The following FAT1 variants were observed in gnomAD, a reference collection of about 807,000 sequenced individuals.
FAT1 encodes the protein protocadherin Fat 1.
A neutral mutation model predicts 329.8 loss-of-function variants in FAT1; 171 were observed. The observed-to-expected ratio is 0.52, with a 90% CI of 0.46 to 0.59. The LOEUF is 0.59. FAT1 is among the 20% of genes least tolerant of loss of function. FAT1 has a pLI of 0.00. For synonymous variants in FAT1, 2,233 were observed against 2,228.6 expected (o/e 1.00, Z -0.06); for missense variants, 5,672 against 5,774.4 (o/e 0.98, Z 0.57).
At chr4:186,597,411 A>ACATTAATAT in intron 24 of FAT1, 1 of 588,642 alleles carries the variant, frequency 1.7e-6, no homozygotes, top group Non-Finnish European at 2.9e-6. Context: ...TATCAAGCCA[A>ACATTAATAT]TATTAATGGC....
chr4:186,724,102 A>T (rs543615236), upstream of FAT1, among the ~76,000 whole-genome samples: 37 of 137,520 alleles, frequency 2.7e-4, 1 homozygote, highest in South Asian at 8.8e-3. This position sits in a 1 kb window ranked among gnomAD's most constrained non-coding sequence, Gnocchi z 5.3. Flanking sequence ...TGTGATGCCG[A>T]GGTTAGTTAC....
Position 186,619,477 on chromosome 4 carries a change from A to T in FAT1, c.7109T>A (p.Leu2370Gln), listed in dbSNP as rs1739914211. The change falls in exon 10 of 27, where the codon CTG (leucine) becomes CAG (glutamine). Residue 2370 changes from leucine (L) to glutamine (Q), a missense_variant. Leu to Gln is a moderately radical substitution (Grantham distance 113, BLOSUM62 -2). Transcript: ENST00000441802. ...VRAVDGGMPT[L>Q]SSDVIVTVDV... ...CACCGTGACAATCACATCACTGCTCAGCGTGGGCATACCACCATCAACTGC... is the reference window on the plus strand; with the variant it reads ...CACCGTGACAATCACATCACTGCTCTGCGTGGGCATACCACCATCAACTGC... The T allele has an allele frequency of 6.8e-6, 11 of 1,613,964 alleles. No homozygotes were observed. In the East Asian group the frequency reaches 2.5e-4, roughly 36 times the overall value.
At chr4:186,718,525 G>A (rs1185019840) in intron 1 of FAT1, among the ~76,000 whole-genome samples, 5 of 152,058 alleles carry the variant, frequency 3.3e-5, no homozygotes, top group African/African-American at 4.8e-5. Context: ...AAATTAGCCG[G>A]GCGTGGTGGC....
intron 3 of FAT1, among the ~76,000 whole-genome samples, chr4:186,644,353 G>A (rs1042093003): frequency 6.6e-6 from 1 of 152,152 alleles, no homozygotes; most frequent in Non-Finnish European, 1.5e-5. Flanking sequence ...TTGTAACTTT[G>A]TGTTTCATCT....
intron 3 of FAT1, among the ~76,000 whole-genome samples, chr4:186,645,387 A>G (rs1560962324): frequency 1.2e-5 from 1 of 83,850 alleles, no homozygotes; most frequent in African/African-American, 5.3e-5. Context: ...ATATATATAT[A>G]TATATATATA....
chr4:186,702,098 T>C (rs1379556873), intron 2 of FAT1, among the ~76,000 whole-genome samples: 1 of 152,018 alleles, frequency 6.6e-6, no homozygotes, highest in Non-Finnish European at 1.5e-5. Flanking sequence ...GACACAGACA[T>C]GAGGCCAGGA....
intron 3 of FAT1, among the ~76,000 whole-genome samples, chr4:186,641,406 A>C (rs1222300283): frequency 6.6e-6 from 1 of 152,134 alleles, no homozygotes; most frequent in African/African-American, 2.4e-5. Flanking sequence ...TTTTTTCCCC[A>C]ATCAAAAATG....
rs997211983 is a variant in FAT1 at position 186,636,085 on chromosome 4, G to A, written c.4123C>T (p.His1375Tyr). 4 of 1,613,888 alleles carry A rather than the reference G, an allele frequency of 2.5e-6. No homozygotes were observed. In the African/African-American group the frequency reaches 4.0e-5, roughly 16 times the overall value. ...TCCACAGATATTACTCCAATCATGT[G>A]AGCAACGGGGTCACTTTCCATCACA... Reference protein sequence around the residue: ...FTVMESDPVAHMIGVISVEPP... With the variant: ...FTVMESDPVAYMIGVISVEPP... Residue 1375 changes from histidine to tyrosine, a missense_variant, in exon 6 of 27, where the codon CAC becomes TAC. Physicochemically the swap from His to Tyr is moderately conservative, Grantham distance 83. Transcript: ENST00000441802.
intron 16 of FAT1, among the ~76,000 whole-genome samples, chr4:186,608,818 T>C (rs1369925238): frequency 6.6e-6 from 1 of 152,206 alleles, no homozygotes; most frequent in East Asian, 1.9e-4. Flanking sequence ...GGCTTCTATC[T>C]GCATGCCTGT....
intron 2 of FAT1, among the ~76,000 whole-genome samples, chr4:186,692,716 C>A (rs1235043597): frequency 7.2e-6 from 1 of 138,860 alleles, no homozygotes; most frequent in Non-Finnish European, 1.5e-5. Context: ...TATTTCCACG[C>A]CCCCCAGTCT....
chr4:186,687,027 C>T (rs746934215), intron 2 of FAT1, among the ~76,000 whole-genome samples: 2 of 152,160 alleles, frequency 1.3e-5, no homozygotes, highest in Non-Finnish European at 2.9e-5. Flanking sequence ...TCTGTCCATC[C>T]CTCATTAGCC....
chr4:186,720,655 A>C (rs1745432179), intron 1 of FAT1, among the ~76,000 whole-genome samples: 1 of 152,162 alleles, frequency 6.6e-6, no homozygotes, highest in African/African-American at 2.4e-5. Context: ...GGTCTATAAG[A>C]GACTGTGTAC....
intron 2 of FAT1, among the ~76,000 whole-genome samples, chr4:186,674,739 T>C (rs1488833391): frequency 1.3e-5 from 2 of 152,210 alleles, no homozygotes; most frequent in African/African-American, 2.4e-5. Context: ...ATCTTCTTTA[T>C]GTATTAAAAG....
chr4:186,598,264 G>A (rs1738634081), intron 22 of FAT1, 139 bp from the exon 23 acceptor site: 2 of 800,190 alleles, frequency 2.5e-6, no homozygotes, highest in East Asian at 2.8e-5. Context: ...GAAAAAAGTT[G>A]GCTACATCAA....
chr4:186,604,946 C>T (rs11734017), intron 17 of FAT1, among the ~76,000 whole-genome samples: 45,014 of 151,476 alleles, frequency 0.3, 6,934 homozygotes, highest in Admixed American at 0.35. Flanking sequence ...AGGCCAGGCG[C>T]GGTGGCTCAC....
At chr4:186,636,352 T>A in intron 5 of FAT1, 117 bp from the exon 6 acceptor site, 1 of 944,178 alleles carries the variant, frequency 1.1e-6, no homozygotes, top group African/African-American at 1.6e-5. Context: ...ATTTCACATT[T>A]GTATTCTGTG....
chr4:186,675,942 AAC>A (rs2126638269), intron 2 of FAT1, among the ~76,000 whole-genome samples: 1 of 152,240 alleles, frequency 6.6e-6, no homozygotes, highest in East Asian at 1.9e-4. Flanking sequence ...TAATTCATTC[AAC>A]ACAGAATGAG....
chr4:186,701,025 C>T (rs1173291899), intron 2 of FAT1, among the ~76,000 whole-genome samples: 1 of 152,192 alleles, frequency 6.6e-6, no homozygotes, highest in Non-Finnish European at 1.5e-5. Flanking sequence ...TGCTCCACAA[C>T]GTGGGACGGC....
At position 186,707,184 on chromosome 4, in the gene FAT1, G is replaced by A. The variant is rs374939601; in HGVS notation, c.2644C>T (p.Pro882Ser). 1.5e-5 allele frequency: 24 copies of A among 1,613,734 alleles called. No homozygotes were observed. The East Asian group carries it at 2.2e-4, about 15-fold the overall frequency. ...TCATGCTGCAGCTCTCGATCCAGAG[G>A]GCGTGCGATGTTAACAACACCCGTC... ...SVTGVVNIARPLDRELQHEHS... is the reference protein window; with the variant it reads ...SVTGVVNIARSLDRELQHEHS... The change falls in exon 2 of 27, where the codon CCT becomes TCT. Residue 882 changes from proline to serine, a missense_variant. Physicochemically the swap from Pro to Ser is moderately conservative, Grantham distance 74. This residue lies in a region of FAT1 where 3,966 missense variants were observed against 3,915.2 expected (regional missense o/e 1.01). Transcript: ENST00000441802.
Sources: allele counts gnomAD v4.1 joint callset (sites outside exome capture counted in the v4.1 genomes callset), GRCh38; gene constraint gnomAD v4.1.1; regional missense constraint gnomAD v4.1.1; non-coding constraint Gnocchi (gnomAD v3.1); transcripts MANE v1.5; gene names NCBI Gene and HGNC (gene_info 2026-07-23, HGNC 2026-07-21).